Variants in SCN7A observed in about 807,000 individuals in gnomAD.
SCN7A encodes sodium channel protein type 7 subunit alpha.
Under a neutral mutation model 155.2 loss-of-function variants are expected in SCN7A, and 138 were observed. The observed-to-expected ratio is 0.89, with a 90% CI of 0.77 to 1.02. The LOEUF is 1.02. Ranked by LOEUF, SCN7A falls within the 50% of genes least tolerant of loss-of-function variation. SCN7A has a pLI of 0.00. For synonymous variants in SCN7A, 693 were observed against 649.0 expected (o/e 1.07, Z -1.03); for missense variants, 2,058 against 1,986.6 (o/e 1.04, Z -0.68).
chr2:166,424,283 C>A (rs1701574454), intron 18 of SCN7A, among the ~76,000 whole-genome samples: 4 of 151,974 alleles, frequency 2.6e-5, no homozygotes, highest in African/African-American at 7.2e-5. Flanking sequence ...TATTCAGGTA[C>A]ATAATGCAAA....
Position 166,408,070 on chromosome 2 carries a change from G to C in SCN7A, c.3983-1424C>G, listed in dbSNP as rs576238564. 2.6e-5 allele frequency among the ~76,000 whole-genome samples: 4 copies of C among 152,018 alleles called. No homozygotes were observed. In the South Asian group the frequency reaches 6.2e-4, roughly 24 times the overall value. On this transcript the variant is annotated intron_variant, in intron 25 of 25. Transcript: ENST00000643258. ...CCCTTGCAACCCTCTCAAATACAGG[G>C]AGCTCATTCTTCCCCACTCCACTTT...
rs201961641 is a variant in SCN7A at position 166,410,275 on chromosome 2, C to T, written c.3656G>A (p.Arg1219His). Reference protein sequence around the residue: ...FITVKQRKQYRRLKKLMYEDS... With the variant: ...FITVKQRKQYHRLKKLMYEDS... ...CTCATACATTAGCTTCTTCAGCCTG[C>T]GGTACTGTTTTCTCTGTTTAACCGT... Residue 1219 changes from arginine (R) to histidine (H), a missense_variant, in exon 24 of 26, where the codon CGC becomes CAC. Physicochemically the swap from Arg to His is conservative, Grantham distance 29. Transcript: ENST00000643258. 49 of 1,555,910 alleles carry T rather than the reference C, an allele frequency of 3.1e-5. No homozygotes were observed. Among genetic ancestry groups the T allele is most frequent in the South Asian group, 1.2e-4 (10 of 84,294 alleles).
intron 5 of SCN7A, among the ~76,000 whole-genome samples, chr2:166,473,513 T>A (rs865962196): frequency 6.6e-6 from 1 of 151,604 alleles, no homozygotes; most frequent in African/African-American, 2.4e-5. Context: ...ACTACTGGTA[T>A]GTCCTAGGAA....
At chr2:166,410,681 T>G (rs894264669) in intron 23 of SCN7A, among the ~76,000 whole-genome samples, 1 of 152,022 alleles carries the variant, frequency 6.6e-6, no homozygotes, top group African/African-American at 2.4e-5. Flanking sequence ...AAGGAAAAGT[T>G]GATTTGTATC....
chr2:166,437,778 A>G (rs530388624), intron 15 of SCN7A, among the ~76,000 whole-genome samples: 3 of 152,238 alleles, frequency 2.0e-5, no homozygotes, highest in Admixed American at 1.3e-4. Context: ...TGACTGCCCT[A>G]TTGGATTTCA....
At chr2:166,475,119 T>TATATATATATATATACAC (rs763878028) in intron 3 of SCN7A, among the ~76,000 whole-genome samples, 2 of 130,168 alleles carry the variant, frequency 1.5e-5, no homozygotes, top group African/African-American at 5.7e-5. Flanking sequence ...TATATATATA[T>TATATATATATATATACAC]ACATATATAT....
At chr2:166,453,742 C>T (rs1441253731) in intron 11 of SCN7A, among the ~76,000 whole-genome samples, 1 of 152,132 alleles carries the variant, frequency 6.6e-6, no homozygotes, top group African/African-American at 2.4e-5. Flanking sequence ...TTTCCTATAA[C>T]ATGAGGATAT....
chr2:166,410,978 C>T (rs746801853), intron 23 of SCN7A, among the ~76,000 whole-genome samples: 34 of 151,950 alleles, frequency 2.2e-4, no homozygotes, highest in Non-Finnish European at 4.6e-4. Context: ...TGACTGCAGA[C>T]ACCAGTTCGA....
intron 21 of SCN7A, among the ~76,000 whole-genome samples, chr2:166,416,037 G>GT (rs1267832816): frequency 3.3e-5 from 5 of 152,024 alleles, no homozygotes; most frequent in Non-Finnish European, 7.4e-5. Flanking sequence ...CCTGGAGAGA[G>GT]GTCTATAAAC....
At chr2:166,460,249 C>T (rs1167525070) in intron 10 of SCN7A, among the ~76,000 whole-genome samples, 2 of 152,048 alleles carry the variant, frequency 1.3e-5, no homozygotes, top group Non-Finnish European at 2.9e-5. Flanking sequence ...GAAACAAACG[C>T]TAACAAGAAA....
intron 11 of SCN7A, among the ~76,000 whole-genome samples, chr2:166,455,857 A>G (rs953389072): frequency 3.9e-5 from 6 of 152,078 alleles, no homozygotes; most frequent in Non-Finnish European, 5.9e-5. Flanking sequence ...TTATTGTTTT[A>G]CTTATTTTGA....
chr2:166,474,933 C>T (rs1575061130), intron 3 of SCN7A, among the ~76,000 whole-genome samples: 1 of 150,286 alleles, frequency 6.7e-6, no homozygotes, highest in East Asian at 2.0e-4. Flanking sequence ...AAAATTCTAA[C>T]AAAAAATAAT....
chr2:166,416,579 C>T (rs1439288043), intron 21 of SCN7A, 128 bp downstream of exon 21: 1 of 796,710 alleles, frequency 1.3e-6, no homozygotes, highest in East Asian at 2.7e-5. Flanking sequence ...TGTCCCATTA[C>T]ATTTATCTAC....
At chr2:166,477,330 G>T in intron 3 of SCN7A, 133 bp downstream of exon 3, 1 of 683,654 alleles carries the variant, frequency 1.5e-6, no homozygotes, top group South Asian at 2.3e-5. Flanking sequence ...ATCTTATGTC[G>T]TTCTGTAAAA....
At chr2:166,475,272 T>G (rs897642606) in intron 3 of SCN7A, among the ~76,000 whole-genome samples, 78 of 148,768 alleles carry the variant, frequency 5.2e-4, no homozygotes, top group African/African-American at 1.9e-3. Flanking sequence ...TATTTTATAA[T>G]TTATAACATA....
At chr2:166,433,298 T>A (rs1701772130) in intron 15 of SCN7A, among the ~76,000 whole-genome samples, 1 of 152,160 alleles carries the variant, frequency 6.6e-6, no homozygotes, top group Non-Finnish European at 1.5e-5. Context: ...CATTACCTTG[T>A]ACACCATAAA....
At chr2:166,470,486 G>C in intron 7 of SCN7A, 129 bp downstream of exon 7, 1 of 723,828 alleles carries the variant, frequency 1.4e-6, no homozygotes, top group South Asian at 2.7e-5. Context: ...GTAAATTTCA[G>C]ATAACTCACT....
chr2:166,423,136 A>C (rs1701546598), intron 19 of SCN7A, 123 bp downstream of exon 19: 2 of 909,138 alleles, frequency 2.2e-6, no homozygotes. Flanking sequence ...GAAAGGTGTC[A>C]TGTACCAACA....
chr2:166,482,620 T>A (rs1001673741), intron 2 of SCN7A, among the ~76,000 whole-genome samples: 13 of 151,998 alleles, frequency 8.6e-5, no homozygotes, highest in African/African-American at 3.1e-4. Flanking sequence ...GTTTCATCAG[T>A]ACTGATTCTG....
Sources: gnomAD v4.1 joint callset for allele counts (sites outside exome capture counted in the v4.1 genomes callset) on GRCh38, gnomAD v4.1.1 for gene constraint, MANE v1.5 for transcripts, NCBI Gene and HGNC (gene_info 2026-07-23, HGNC 2026-07-21) for gene names.